The following SCARA3 variants were observed in gnomAD, a reference collection of about 807,000 sequenced individuals.
The protein encoded by SCARA3 is scavenger receptor class A member 3.
A neutral mutation model predicts 47.0 loss-of-function variants in SCARA3; 39 were observed. The observed-to-expected ratio is 0.83, with a 90% CI of 0.64 to 1.08. SCARA3 has a LOEUF of 1.08. Ranked by LOEUF, SCARA3 falls within the 50% of genes least tolerant of loss-of-function variation. SCARA3 has a pLI of 0.00. For missense variants in SCARA3, 724 were observed against 792.3 expected, an observed-to-expected ratio of 0.91 and a Z score of 1.04; for synonymous variants, 356 against 334.1, an observed-to-expected ratio of 1.07 and a Z score of -0.71.
intron 1 of SCARA3, among the ~76,000 whole-genome samples, chr8:27,637,577 A>G (rs1158282845): frequency 2.6e-5 from 4 of 151,840 alleles, no homozygotes; most frequent in Non-Finnish European, 5.9e-5. Flanking sequence ...CCACTTGGGG[A>G]GCGGAAGTGA....
chr8:27,715,867 TA>T, the SCARA3 span, among the ~76,000 whole-genome samples: 7 of 145,780 alleles, frequency 4.8e-5, no homozygotes, highest in African/African-American at 1.8e-4. The surrounding 1 kb of genome is among the most constrained non-coding windows in gnomAD (Gnocchi z 4.2). Flanking sequence ...GATAGATACA[TA>T]GATAGATAGA....
At chr8:27,725,700 T>C in the SCARA3 span, among the ~76,000 whole-genome samples, 2 of 152,160 alleles carry the variant, frequency 1.3e-5, no homozygotes, top group Admixed American at 6.5e-5. Context: ...GCTGGAGTCA[T>C]GGCTGGAGAC....
downstream of SCARA3, among the ~76,000 whole-genome samples, chr8:27,674,135 T>C (rs1320020108): frequency 6.6e-6 from 1 of 152,216 alleles, no homozygotes; most frequent in Non-Finnish European, 1.5e-5. Flanking sequence ...CTCTTAGTAT[T>C]AATGTGGCCC....
At chr8:27,680,026 T>A (rs761783712), downstream of SCARA3, 19 of 152,128 alleles carry the variant, frequency 1.2e-4, no homozygotes, top group Non-Finnish European at 1.9e-4. Flanking sequence ...GAAAATATTT[T>A]GAACTGGATA....
In SCARA3 at chr8:27,671,728, ACACACATG is replaced by A; in HGVS notation, c.*385_*392del. The A allele has an allele frequency of 6.8e-6, 7 of 1,036,754 alleles. No homozygotes were observed. The highest frequency in any genetic ancestry group is 8.1e-6 in the Non-Finnish European group (7 of 863,566). 64.2% of individuals were successfully genotyped at this position (1,036,754 alleles called of 1,614,324 possible). ...CATGCATGCACACATACACATGCAC[ACACACATG>A]CACACATATATGCACAGGCACACAC... On this transcript the variant is annotated 3_prime_UTR_variant, in exon 6 of 6. Transcript: ENST00000301904.
At chr8:27,647,229 C>A (rs976496590) in intron 1 of SCARA3, among the ~76,000 whole-genome samples, 2 of 152,248 alleles carry the variant, frequency 1.3e-5, no homozygotes, top group African/African-American at 4.8e-5. Context: ...GCATCGGACA[C>A]ACCCTCACAC....
At chr8:27,686,678 T>C in the SCARA3 span, among the ~76,000 whole-genome samples, 1 of 152,226 alleles carries the variant, frequency 6.6e-6, no homozygotes, top group East Asian at 1.9e-4. Context: ...GCTTAAATCC[T>C]GTCCATCCTG....
At chr8:27,639,668 C>G (rs1801341050) in intron 1 of SCARA3, among the ~76,000 whole-genome samples, 1 of 152,188 alleles carries the variant, frequency 6.6e-6, no homozygotes, top group Non-Finnish European at 1.5e-5. Flanking sequence ...CCACTTGCCC[C>G]TGGAGATATT....
chr8:27,658,911 C>T lies in SCARA3; in HGVS notation c.741C>T (p.Thr247=), dbSNP rs1194503376. ...IQRKTDEETL[T]LQKIVTDWQN... The stretch of plus-strand genomic sequence containing the variant: ...GGAAGACAGACGAGGAGACCCTGAC[C>T]CTCCAGAAGATTGTCACCGACTGGC... Residue 247 remains threonine, a synonymous_variant, in exon 5 of 6, where the codon ACC becomes ACT. Transcript: ENST00000301904. 1 of 1,614,056 alleles carries T rather than the reference C, an allele frequency of 6.2e-7. No individual in the cohort carries two copies. The highest frequency in any genetic ancestry group is 8.5e-7 in the Non-Finnish European group (1 of 1,180,028).
chr8:27,713,214 T>C, the SCARA3 span, among the ~76,000 whole-genome samples: 54 of 152,372 alleles, frequency 3.5e-4, 1 homozygote, highest in South Asian at 2.1e-4. Context: ...TTATTGAAGA[T>C]CATAGGGCAG....
rs193107379 is a variant in SCARA3 at position 27,654,150 on chromosome 8, A to G, written c.226+2523A>G. Among the ~76,000 whole-genome samples the G allele has an allele frequency of 3.3e-3, 497 of 152,346 alleles. 5 individuals are homozygous for G. The highest frequency in any genetic ancestry group is 0.011 in the African/African-American group (472 of 41,580). On this transcript the variant is annotated intron_variant, in intron 3 of 5. Coordinates refer to ENST00000301904, the MANE Select transcript of SCARA3 (RefSeq NM_016240.3). ...ATGGATTGATGAATGGGTGAAAGAG[A>G]TGGATGAATATAAAATAAATACAGA...
At chr8:27,643,345 A>G (rs1356985915) in intron 1 of SCARA3, among the ~76,000 whole-genome samples, 5 of 152,214 alleles carry the variant, frequency 3.3e-5, no homozygotes, top group African/African-American at 4.8e-5. Flanking sequence ...TCAGAGCAGC[A>G]GATGTGGCTT....
chr8:27,681,085 G>A (rs1802347467), downstream of SCARA3, among the ~76,000 whole-genome samples: 1 of 152,070 alleles, frequency 6.6e-6, no homozygotes, highest in Admixed American at 6.6e-5. Context: ...TCAAGAACAA[G>A]GCAAGAGTAT....
chr8:27,643,775 A>G (rs937305766), intron 1 of SCARA3, among the ~76,000 whole-genome samples: 1 of 152,224 alleles, frequency 6.6e-6, no homozygotes, highest in African/African-American at 2.4e-5. Context: ...TGAAGTGCCC[A>G]AAGAAAGACC....
At chr8:27,730,356 C>T in the SCARA3 span, among the ~76,000 whole-genome samples, 2 of 152,198 alleles carry the variant, frequency 1.3e-5, no homozygotes, top group Non-Finnish European at 2.9e-5. Context: ...TCTTGGATTA[C>T]AAGCCCCAGG....
intron 1 of SCARA3, among the ~76,000 whole-genome samples, chr8:27,641,709 G>T (rs1374679578): frequency 6.6e-6 from 1 of 152,182 alleles, no homozygotes; most frequent in Non-Finnish European, 1.5e-5. Flanking sequence ...GATGAAGAAG[G>T]CAAGGGGCTT....
downstream of SCARA3, among the ~76,000 whole-genome samples, chr8:27,678,993 C>T (rs990971311): frequency 8.5e-5 from 13 of 152,060 alleles, no homozygotes; most frequent in Non-Finnish European, 1.8e-4. Context: ...TTCGAGACCA[C>T]CTTGGGCAAT....
chr8:27,703,881 A>T, the SCARA3 span: 1 of 121,000 alleles, frequency 8.3e-6, no homozygotes, highest in East Asian at 2.3e-4. Flanking sequence ...TTTTACAGTG[A>T]GAAAAAAATA....
rs1266067072 is a variant in SCARA3 at position 27,671,945 on chromosome 8, C to T, written c.*594C>T. On this transcript the variant is annotated 3_prime_UTR_variant, in exon 6 of 6. Coordinates refer to ENST00000301904, the MANE Select transcript of SCARA3 (RefSeq NM_016240.3). ...GAGCCTGCCAGGGAGGCAGCTACCT[C>T]GGGAGGAAGGTCTCACATCTGTCTC... is the stretch of plus-strand genomic sequence containing the variant. 10 of 985,446 alleles carry T rather than the reference C, an allele frequency of 1.0e-5. No individual in the cohort carries two copies. Among genetic ancestry groups the T allele is most frequent in the Non-Finnish European group, 1.1e-5 (9 of 829,952 alleles). The allele number at this position is 985,446 out of a possible 1,614,324, so 61.0% of individuals were successfully genotyped here. A position where few individuals can be genotyped will look rare whatever the true frequency, so the allele number is the denominator to read the frequency against.
Sources: allele counts gnomAD v4.1 joint callset (sites outside exome capture counted in the v4.1 genomes callset), GRCh38; gene constraint gnomAD v4.1.1; non-coding constraint Gnocchi (gnomAD v3.1); transcripts MANE v1.5; gene names NCBI Gene and HGNC (gene_info 2026-07-23, HGNC 2026-07-21).